COL12A1: variants seen among roughly 807,000 people sequenced by gnomAD.
COL12A1 encodes the protein collagen alpha-1(XII) chain.
A neutral mutation model predicts 349.7 loss-of-function variants in COL12A1; 114 were observed. The ratio of observed to expected loss-of-function variants is 0.33; its 90% CI spans 0.28 to 0.38. The LOEUF (loss-of-function observed/expected upper bound fraction) is 0.38. Ranked by LOEUF, COL12A1 falls within the 10% of genes least tolerant of loss-of-function variation. COL12A1 has a pLI of 1.00. For missense variants in COL12A1, 3,284 were observed against 3,756.9 expected, an observed-to-expected ratio of 0.87 and a Z score of 3.29; for synonymous variants, 1,369 against 1,329.0, an observed-to-expected ratio of 1.03 and a Z score of -0.66.
rs756002535 is a variant in COL12A1, at chr6:75,117,386, A to G, written c.7515T>C (p.Thr2505=). Residue 2505 remains threonine (T), a synonymous_variant, in exon 47 of 66, where the codon ACT becomes ACC. Transcript: ENST00000322507. ...NLITFVCETA[T]SSCPLIYLDG... Reference sequence around the variant, plus strand: ...TCCATGTTGACTGTGACTTACTTGAAGTGGCAGTTTCACAAACAAATGTAA... The same window carrying G: ...TCCATGTTGACTGTGACTTACTTGAGGTGGCAGTTTCACAAACAAATGTAA... 6.2e-7 allele frequency: 1 copy of G among 1,613,130 alleles called. No homozygotes were observed. Among genetic ancestry groups the G allele is most frequent in the East Asian group, 2.2e-5 (1 of 44,858 alleles).
chr6:75,139,745 T>C (rs569505274), intron 27 of COL12A1, among the ~76,000 whole-genome samples: 1 of 152,184 alleles, frequency 6.6e-6, no homozygotes, highest in African/African-American at 2.4e-5. Context: ...AAGCAGAACA[T>C]GCTGACCCTG....
At chr6:75,148,184 A>C (rs1347211820) in intron 22 of COL12A1, among the ~76,000 whole-genome samples, 174 bp downstream of exon 22, 2 of 152,192 alleles carry the variant, frequency 1.3e-5, no homozygotes, top group East Asian at 3.8e-4. Context: ...CTTTAATTAA[A>C]GCCAGACGGA....
rs1408384803 is a variant in COL12A1 at position 75,102,669 on chromosome 6, G to A, written c.8343C>T (p.Asp2781=). 6.4e-7 allele frequency: 1 copy of A among 1,565,800 alleles called. No homozygotes were observed. ...GACCCTGGGGGCCTGGAGGACCTATGTCTCCACGAGGACCAGGGGGCCCCT... is the reference window on the plus strand; with the variant it reads ...GACCCTGGGGGCCTGGAGGACCTATATCTCCACGAGGACCAGGGGGCCCCT... ...GAIGPPGPRG[D]IGPPGPQGPP... The change falls in exon 56 of 66, where the codon GAC becomes GAT. Residue 2781 remains aspartate (D), a synonymous_variant. Transcript: ENST00000322507.
At chr6:75,148,896 T>C (rs1767338970) in intron 21 of COL12A1, among the ~76,000 whole-genome samples, 1 of 152,194 alleles carries the variant, frequency 6.6e-6, no homozygotes, top group African/African-American at 2.4e-5. Flanking sequence ...AGGGAGATAA[T>C]TGAAACATGG....
chr6:75,185,135 A>C (rs2149468901), intron 8 of COL12A1, among the ~76,000 whole-genome samples: 1 of 152,348 alleles, frequency 6.6e-6, no homozygotes, highest in South Asian at 2.1e-4. Flanking sequence ...CAATCAAGCA[A>C]GAAAAAGGAA....
chr6:75,175,056 C>T lies in COL12A1; in HGVS notation c.2692G>A (p.Glu898Lys), dbSNP rs1380758634. Reference sequence around the variant, plus strand: ...TAATTACCTTCAAGTGTTGTTCCTTCACCAAAGAGGGCGTCTCCAGCCCCA... The same window carrying T: ...TAATTACCTTCAAGTGTTGTTCCTTTACCAAAGAGGGCGTCTCCAGCCCCA... ...ASGAGDALFGEGTTLEERGSP... is the reference protein window; with the variant it reads ...ASGAGDALFGKGTTLEERGSP... Residue 898 changes from glutamate to lysine, a missense_variant, in exon 13 of 66, where the codon GAA becomes AAA. This residue lies in a region of COL12A1 where 2,601 missense variants were observed against 2,824.8 expected (regional missense o/e 0.92). Transcript: ENST00000322507. The T allele has an allele frequency of 3.1e-6, 5 of 1,614,056 alleles. No individual in the cohort carries two copies. Among genetic ancestry groups the T allele is most frequent in the Non-Finnish European group, 4.2e-6 (5 of 1,180,002 alleles).
Position 75,138,863 on chromosome 6 carries a change from T to C in COL12A1, c.5056A>G (p.Arg1686Gly). The C allele has an allele frequency of 6.2e-7, 1 of 1,614,122 alleles. No individual in the cohort carries two copies. The highest frequency in any genetic ancestry group is 1.1e-5 in the South Asian group (1 of 91,080). ...CTTCCAAAAGGTGCCCAAGTTATTC[T>C]GTAGAGAGACACATCTGAAGCTCCA... ...DHGASDVSLY[R>G]ITWAPFGSSD... The change falls in exon 28 of 66, where the codon AGA becomes GGA. Residue 1686 changes from arginine (R) to glycine (G), a missense_variant. Arg to Gly is a moderately radical substitution (Grantham distance 125). Transcript: ENST00000322507.
At chr6:75,198,465 GTATTACATATGTAATATTGT>G (rs1354611921) in intron 2 of COL12A1, among the ~76,000 whole-genome samples, 2 of 150,026 alleles carry the variant, frequency 1.3e-5, no homozygotes, top group Non-Finnish European at 3.0e-5. Flanking sequence ...TATTACATAT[GTATTACATATGTAATATTGT>G]TATTACATAT....
rs1172874533 is a variant in COL12A1, at chr6:75,142,022, C to G, written c.4957+10G>C. On this transcript the variant is annotated intron_variant, in intron 27 of 65. Coordinates refer to ENST00000322507, the MANE Select transcript of COL12A1 (RefSeq NM_004370.6). ...TTTCCCATTATCAGTGGAGCAGGAG[C>G]ACAACTCACGGGTAGTTTCTTGAGC... 3 of 1,613,788 alleles carry G rather than the reference C, an allele frequency of 1.9e-6. No homozygotes were observed. In the African/African-American group the frequency reaches 4.0e-5, roughly 22 times the overall value.
chr6:75,180,901 TCA>T lies in COL12A1; in HGVS notation c.2164+36_2164+37del, dbSNP rs200539436. 3,917 of 1,587,902 alleles carry T rather than the reference TCA, an allele frequency of 2.5e-3. 85 individuals carry two copies. In the African/African-American group the frequency reaches 0.046, roughly 19 times the overall value. ...GTAACTTTGTAGTGCAATAAATTAT[TCA>T]TTTTCTGAATAACAGTGGCAGAAAC... On this transcript the variant is annotated intron_variant, in intron 11 of 65. Coordinates refer to ENST00000322507, the MANE Select transcript of COL12A1 (RefSeq NM_004370.6).
chr6:75,139,559 C>A (rs1409921326), intron 27 of COL12A1, among the ~76,000 whole-genome samples: 1 of 152,172 alleles, frequency 6.6e-6, no homozygotes, highest in East Asian at 1.9e-4. Flanking sequence ...TAGCTGTAAA[C>A]AACACTAAAA....
intron 25 of COL12A1, among the ~76,000 whole-genome samples, chr6:75,144,568 A>T (rs1767081413): frequency 6.6e-6 from 1 of 152,162 alleles, no homozygotes; most frequent in African/African-American, 2.4e-5. Context: ...CATGAAGCAA[A>T]ATACCAGCTG....
intron 21 of COL12A1, 83 bp downstream of exon 21, chr6:75,151,058 G>GGGGCCCC: frequency 2.7e-6 from 1 of 368,970 alleles, no homozygotes; most frequent in Non-Finnish European, 5.2e-6. Context: ...ACAAAATAGT[G>GGGGCCCC]CCCTCCCCCC....
chr6:75,138,970 A>C lies in COL12A1; in HGVS notation c.4958-9T>G, dbSNP rs145502820. On this transcript the variant is annotated splice_polypyrimidine_tract_variant and intron_variant, in intron 27 of 65. Transcript: ENST00000322507. ...TGGGGCTGGCACGGGTCCTATCATG[A>C]GAAAAGGCAAGCAGACTAAGTTTTT... 1 of 1,612,834 alleles carries C rather than the reference A, an allele frequency of 6.2e-7. No homozygotes were observed. Among genetic ancestry groups the C allele is most frequent in the African/African-American group, 1.3e-5 (1 of 74,992 alleles).
At chr6:75,086,637 T>C (rs1178459234) in intron 65 of COL12A1, 80 bp from the exon 66 acceptor site, 1 of 923,386 alleles carries the variant, frequency 1.1e-6, no homozygotes, top group East Asian at 3.1e-5. Flanking sequence ...TCTACGTATG[T>C]AATGGTTAAA....
chr6:75,184,154 T>C lies in COL12A1; in HGVS notation c.998-10A>G. On this transcript the variant is annotated splice_polypyrimidine_tract_variant and intron_variant, in intron 8 of 65. Coordinates refer to ENST00000322507, the MANE Select transcript of COL12A1 (RefSeq NM_004370.6). ...GAAGGAGGCTCAACAACTAAAAAGT[T>C]ACAAGCAGACAGTGATTAATAACAG... The C allele has an allele frequency of 6.2e-7, 1 of 1,611,664 alleles. No individual in the cohort carries two copies. Among genetic ancestry groups the C allele is most frequent in the South Asian group, 1.1e-5 (1 of 90,952 alleles).
Position 75,109,130 on chromosome 6 carries a change from T to G in COL12A1, c.7988A>C (p.Tyr2663Ser), listed in dbSNP as rs1215049086. ...TTCTATAATTTCATAGCAGTCAATGTAAATCTTAACACTTTTTGAGGTCAC... is the reference window on the plus strand; with the variant it reads ...TTCTATAATTTCATAGCAGTCAATGGAAATCTTAACACTTTTTGAGGTCAC... ...IVVTSKSVKI[Y>S]IDCYEIIEKD... The change falls in exon 52 of 66, where the codon TAC becomes TCC. Residue 2663 changes from tyrosine (Y) to serine (S), a missense_variant. Transcript: ENST00000322507. The G allele has an allele frequency of 1.2e-6, 2 of 1,603,680 alleles. No individual in the cohort carries two copies. The highest frequency in any genetic ancestry group is 2.7e-5 in the African/African-American group (2 of 74,608).
intron 3 of COL12A1, among the ~76,000 whole-genome samples, chr6:75,193,445 G>A (rs1238678179): frequency 6.6e-6 from 1 of 151,992 alleles, no homozygotes; most frequent in African/African-American, 2.4e-5. Context: ...ATTTTTAAAG[G>A]CTAAAAGATA....
rs1766265495 is a variant in COL12A1 at position 75,130,854 on chromosome 6, G to T, written c.6065C>A (p.Thr2022Lys). The change falls in exon 36 of 66, where the codon ACG (threonine) becomes AAG (lysine). Residue 2022 changes from threonine to lysine, a missense_variant and splice_region_variant. Thr to Lys is a moderately conservative substitution (Grantham distance 78, BLOSUM62 -1). Transcript: ENST00000322507. ...EGNPSPAQGR[T>K]LPRSGPRNLR... ...TGGAGAAAGGATTTCTGCCTCACGC[G>T]TTCGGCCCTGGGCAGGGCTGGGATT... 1.9e-6 allele frequency: 3 copies of T among 1,613,820 alleles called. No homozygotes were observed.
Sources: allele counts gnomAD v4.1 joint callset (sites outside exome capture counted in the v4.1 genomes callset), GRCh38; gene constraint gnomAD v4.1.1; regional missense constraint gnomAD v4.1.1; transcripts MANE v1.5; gene names NCBI Gene and HGNC (gene_info 2026-07-23, HGNC 2026-07-21).